Variants in ANXA2 observed in about 807,000 individuals in gnomAD.
ANXA2 encodes the protein annexin A2.
In ANXA2, 28 loss-of-function variants were observed where a neutral mutation model predicts 47.3. The observed-to-expected ratio is 0.59, with a 90% CI of 0.44 to 0.81. The LOEUF (loss-of-function observed/expected upper bound fraction) is 0.81. Among genes scored for constraint, ANXA2 ranks in the 40% least tolerant of loss-of-function variants. The pLI is 0.00. For missense variants in ANXA2, 384 were observed against 414.3 expected (o/e 0.93, Z 0.64); for synonymous variants, 172 against 155.5 (o/e 1.11, Z -0.79).
chr15:60,351,207 A>AC lies in ANXA2; in HGVS notation c.822dup (p.Tyr275ValfsTer2). The AC allele has an allele frequency of 6.2e-7, 1 of 1,614,196 alleles. No individual in the cohort carries two copies. Among genetic ancestry groups the AC allele is most frequent in the Non-Finnish European group, 8.5e-7 (1 of 1,180,028 alleles). ...GCTGCCCTTACCTTCATGGAGTCAT[A>AC]CAGCCGATCAGCAAAATACAGGGGC... On this transcript the variant is annotated frameshift_variant, in exon 11 of 13. Transcript: ENST00000451270. LOFTEE classifies it high-confidence loss of function.
chr15:60,359,832 A>C (rs985920695), intron 5 of ANXA2, among the ~76,000 whole-genome samples: 1 of 152,222 alleles, frequency 6.6e-6, no homozygotes, highest in Non-Finnish European at 1.5e-5. Flanking sequence ...TACAGCGCAG[A>C]CTTTACCCAT....
intron 3 of ANXA2, among the ~76,000 whole-genome samples, chr15:60,380,939 C>G (rs1223568715): frequency 6.6e-6 from 1 of 151,832 alleles, no homozygotes; most frequent in East Asian, 1.9e-4. Flanking sequence ...TTCCCCAAGG[C>G]AGATGATGCA....
intron 3 of ANXA2, among the ~76,000 whole-genome samples, chr15:60,370,556 C>A (rs2062697349): frequency 6.6e-6 from 1 of 152,130 alleles, no homozygotes; most frequent in Non-Finnish European, 1.5e-5. Flanking sequence ...TTGTTCAGTA[C>A]AGGTTGAGGT....
At chr15:60,373,101 TATACTTTG>T (rs1009708174) in intron 3 of ANXA2, among the ~76,000 whole-genome samples, 41 of 152,308 alleles carry the variant, frequency 2.7e-4, no homozygotes, top group African/African-American at 8.4e-4. Context: ...TTTTTAAAAT[TATACTTTG>T]ATACTTTTTC....
intron 3 of ANXA2, among the ~76,000 whole-genome samples, chr15:60,375,797 T>TC (rs1254306756): frequency 1.3e-5 from 2 of 152,098 alleles, no homozygotes; most frequent in African/African-American, 2.4e-5. Flanking sequence ...ATTGTGCTTC[T>TC]CCCCCCTTCT....
chr15:60,377,203 A>G (rs144617018), intron 3 of ANXA2, among the ~76,000 whole-genome samples: 45 of 152,342 alleles, frequency 3.0e-4, no homozygotes, highest in African/African-American at 1.0e-3. Context: ...AAAGAAGGTA[A>G]GATCTTAATT....
At chr15:60,386,205 G>A in intron 1 of ANXA2, 119 bp from the exon 2 acceptor site, 1 of 706,692 alleles carries the variant, frequency 1.4e-6, no homozygotes, top group Non-Finnish European at 2.4e-6. Flanking sequence ...TATTGGAGTA[G>A]TTTTTGCAAA....
At chr15:60,357,091 A>G in intron 6 of ANXA2, 55 bp downstream of exon 6, 1 of 1,529,756 alleles carries the variant, frequency 6.5e-7, no homozygotes, top group South Asian at 1.1e-5. Flanking sequence ...AGTGGCCATG[A>G]TAGAGTCACA....
chr15:60,393,492 T>C, intron 1 of ANXA2: 1 of 991,318 alleles, frequency 1.0e-6, no homozygotes, highest in Non-Finnish European at 1.2e-6. Flanking sequence ...ACTGTGGACT[T>C]ACCTACCTTT....
chr15:60,351,625 G>T, intron 10 of ANXA2, 99 bp downstream of exon 10: 1 of 797,526 alleles, frequency 1.3e-6, no homozygotes, highest in Admixed American at 1.9e-5. Context: ...ATGCATAGAA[G>T]CCACACCTCC....
chr15:60,373,632 C>T (rs2062739088), intron 3 of ANXA2, among the ~76,000 whole-genome samples: 1 of 152,200 alleles, frequency 6.6e-6, no homozygotes, highest in South Asian at 2.1e-4. Context: ...AAGTAGCAGC[C>T]ACAATATAGT....
chr15:60,396,853 C>T (rs2063087117), intron 1 of ANXA2, among the ~76,000 whole-genome samples: 1 of 152,218 alleles, frequency 6.6e-6, no homozygotes, highest in African/African-American at 2.4e-5. Flanking sequence ...GGCCACTGCT[C>T]TTTTACACAC....
chr15:60,372,042 G>T (rs1338785258), intron 3 of ANXA2, among the ~76,000 whole-genome samples: 1 of 152,048 alleles, frequency 6.6e-6, no homozygotes, highest in African/African-American at 2.4e-5. Context: ...CCAGCTACTC[G>T]GGAGGCTGAG....
At chr15:60,384,089 G>T (rs1343333676) in intron 2 of ANXA2, 1 of 152,194 alleles carries the variant, frequency 6.6e-6, no homozygotes, top group Non-Finnish European at 1.5e-5. Context: ...AAACTTTCCA[G>T]TAAGATGAAC....
At chr15:60,354,783 G>A (rs1383193812) in intron 7 of ANXA2, among the ~76,000 whole-genome samples, 1 of 151,990 alleles carries the variant, frequency 6.6e-6, no homozygotes, top group South Asian at 2.1e-4. Flanking sequence ...CAGAATCCCT[G>A]TCCCCATCCC....
chr15:60,387,434 C>T (rs548264183), intron 1 of ANXA2, among the ~76,000 whole-genome samples: 6 of 152,288 alleles, frequency 3.9e-5, no homozygotes, highest in East Asian at 1.9e-4. Flanking sequence ...AACTGTGGTA[C>T]ATTCAGACAT....
intron 3 of ANXA2, among the ~76,000 whole-genome samples, chr15:60,378,286 A>G (rs970845926): frequency 1.3e-5 from 2 of 152,228 alleles, no homozygotes; most frequent in Non-Finnish European, 2.9e-5. Context: ...TACACTTTAT[A>G]TAGGCAAATC....
chr15:60,370,236 T>C (rs890743777), intron 3 of ANXA2, among the ~76,000 whole-genome samples: 2 of 152,190 alleles, frequency 1.3e-5, no homozygotes, highest in Non-Finnish European at 2.9e-5. Flanking sequence ...TGCCACTAAC[T>C]ACAAAGAAAT....
intron 3 of ANXA2, among the ~76,000 whole-genome samples, chr15:60,367,433 G>T (rs1300833737): frequency 1.8e-4 from 1 of 5,604 alleles, no homozygotes; most frequent in Non-Finnish European, 3.8e-4. Context: ...GGAGGGAGGT[G>T]GGGGGGGGGG....
Sources: allele counts gnomAD v4.1 joint callset (sites outside exome capture counted in the v4.1 genomes callset), GRCh38; gene constraint gnomAD v4.1.1; transcripts MANE v1.5; gene names NCBI Gene and HGNC (gene_info 2026-07-23, HGNC 2026-07-21).